POU2F2: variants seen among roughly 807,000 people sequenced by gnomAD.
POU2F2 encodes POU domain, class 2, transcription factor 2.
Under a neutral mutation model 63.5 loss-of-function variants are expected in POU2F2, and 14 were observed. The observed-to-expected ratio is 0.22, with a 90% CI of 0.15 to 0.34. POU2F2 has a LOEUF of 0.34. Among genes scored for constraint, POU2F2 ranks in the 10% least tolerant of loss-of-function variants. The probability of loss-of-function intolerance (pLI) is 1.00; values close to 1 mark genes in which losing one functional copy is unlikely to be tolerated. For synonymous variants in POU2F2, 306 were observed against 348.6 expected (o/e 0.88, Z 1.36); for missense variants, 607 against 815.2 (o/e 0.74, Z 3.11).
chr19:42,138,997 C>A (rs2034073859), intron 2 of POU2F2, among the ~76,000 whole-genome samples: 1 of 152,116 alleles, frequency 6.6e-6, no homozygotes, highest in African/African-American at 2.4e-5. Flanking sequence ...AAAAGAAGCA[C>A]TGTGATGTGG....
At chr19:42,159,488 T>C (rs2034514842) in intron 2 of POU2F2, among the ~76,000 whole-genome samples, 1 of 152,068 alleles carries the variant, frequency 6.6e-6, no homozygotes, top group Non-Finnish European at 1.5e-5. Flanking sequence ...GTTAAGCTTC[T>C]CTGGTGGGAA....
chr19:42,091,414 G>A lies in POU2F2; in HGVS notation c.1718C>T (p.Ala573Val), dbSNP rs989128218. ...TPPGVGLVSA[A>V]AAAVAASISS... ...GATGGAGGCTGCCACAGCCGCAGCC[G>A]CTGCTGAGACCAGGCCCACACCAGG... Residue 573 changes from alanine to valine, a missense_variant, in exon 15 of 15, where the codon GCG becomes GTG. This residue lies in a region of POU2F2 where 270 missense variants were observed against 307.5 expected (regional missense o/e 0.88). Transcript: ENST00000692977. 238 of 1,548,520 alleles carry A rather than the reference G, an allele frequency of 1.5e-4. No homozygotes were observed. The highest frequency in any genetic ancestry group is 2.0e-4 in the Non-Finnish European group (228 of 1,146,912).
chr19:42,089,480 T>TCTCA lies in POU2F2; in HGVS notation c.*1773_*1776dup, dbSNP rs1015913267. On this transcript the variant is annotated 3_prime_UTR_variant, in exon 15 of 15. Transcript: ENST00000692977. ...CTTCACCCCTGTCCCTGATACCCTC[T>TCTCA]CTCAGCCCCGCCCACCCGCTTCCAT... 6.6e-6 allele frequency: 1 copy of TCTCA among 152,264 alleles called. No homozygotes were observed. The highest frequency in any genetic ancestry group is 1.5e-5 in the Non-Finnish European group (1 of 67,940). The allele number at this position is 152,264 out of a possible 1,614,324, so 9.4% of individuals were successfully genotyped here. A position where few individuals can be genotyped will look rare whatever the true frequency, so the allele number is the denominator to read the frequency against.
rs1028856747 is a variant in POU2F2, at chr19:42,156,097, G to T, written c.-9+4235C>A. 6.6e-6 allele frequency: 1 copy of T among 152,274 alleles called. No homozygotes were observed. Among genetic ancestry groups the T allele is most frequent in the Non-Finnish European group, 1.5e-5 (1 of 68,036 alleles). 9.4% of individuals were successfully genotyped at this position (152,274 alleles called of 1,614,324 possible). A position where few individuals can be genotyped will look rare whatever the true frequency, so the allele number is the denominator to read the frequency against. ...CCTCACCAGTGCTTCGAAGAGCCCT[G>T]AGGAACGTCTCTCTATTTGAAGTCA... On this transcript the variant is annotated intron_variant, in intron 2 of 6. Transcript: ENST00000524801. This position sits in a 1 kb window ranked among gnomAD's most constrained non-coding sequence, Gnocchi z 4.1.
chr19:42,132,652 A>C (rs1027915865), upstream of POU2F2: 4 of 400,564 alleles, frequency 1.0e-5, no homozygotes, highest in African/African-American at 6.2e-5. Context: ...GGAAGAGCCG[A>C]CTCCTACGGC....
chr19:42,149,872 A>G (rs2034306852), intron 2 of POU2F2, among the ~76,000 whole-genome samples: 1 of 152,146 alleles, frequency 6.6e-6, no homozygotes, highest in South Asian at 2.1e-4. Context: ...AGACTGACAC[A>G]TGGGAAGGTG....
chr19:42,187,403 G>A (rs991281828), intron 1 of POU2F2, among the ~76,000 whole-genome samples: 3 of 150,144 alleles, frequency 2.0e-5, no homozygotes, highest in African/African-American at 7.4e-5. Context: ...CCCAGGAGGT[G>A]GAGGCTACAG....
chr19:42,108,402 G>A (rs2030494169), intron 5 of POU2F2, among the ~76,000 whole-genome samples: 1 of 152,068 alleles, frequency 6.6e-6, no homozygotes, highest in South Asian at 2.1e-4. Context: ...ACCAGCCTGG[G>A]CAACATGACG....
intron 4 of POU2F2, 55 bp downstream of exon 4, chr19:42,122,071 G>A: frequency 1.3e-6 from 2 of 1,537,148 alleles, no homozygotes; most frequent in Non-Finnish European, 9.0e-7. Context: ...CAGGCCTCCT[G>A]AGGACCCTCT....
At chr19:42,128,690 C>G (rs1340715957) in intron 1 of POU2F2, among the ~76,000 whole-genome samples, 1 of 152,186 alleles carries the variant, frequency 6.6e-6, no homozygotes, top group Non-Finnish European at 1.5e-5. Flanking sequence ...CGGCCTCAGC[C>G]TCAGCCTGAG....
At chr19:42,109,490 T>TAAA (rs1007712136) in intron 5 of POU2F2, among the ~76,000 whole-genome samples, 62 of 151,968 alleles carry the variant, frequency 4.1e-4, no homozygotes, top group African/African-American at 1.4e-3. Flanking sequence ...GTGTTCAAAA[T>TAAA]GAGGAAGGGA....
intron 1 of POU2F2, among the ~76,000 whole-genome samples, chr19:42,181,604 A>ATTTG (rs58190606): frequency 1.1e-4 from 16 of 151,932 alleles, no homozygotes; most frequent in Non-Finnish European, 2.4e-4. Flanking sequence ...TTATTTATTT[A>ATTTG]GAGACAGAGC....
chr19:42,096,073 C>T lies in POU2F2; in HGVS notation c.729+9G>A, dbSNP rs770815169. The stretch of plus-strand genomic sequence containing the variant: ...CGCCCACCGCCCAGCCTGCAAGGTG[C>T]CTCCAGACCTGCGTGAAGCCCAGCT... On this transcript the variant is annotated intron_variant, in intron 8 of 14. Transcript: ENST00000692977. This position sits in a 1 kb window ranked among gnomAD's most constrained non-coding sequence, Gnocchi z 4.1. The T allele has an allele frequency of 1.2e-5, 19 of 1,613,196 alleles. 1 individual carries two copies. In the South Asian group the frequency reaches 1.8e-4, roughly 15 times the overall value.
chr19:42,184,176 G>A (rs553528750), intron 1 of POU2F2, among the ~76,000 whole-genome samples: 1 of 152,180 alleles, frequency 6.6e-6, no homozygotes, highest in South Asian at 2.1e-4. Context: ...TTTTGTGGTA[G>A]AGACAGGTTT....
In POU2F2 at chr19:42,152,041, C is replaced by T. The variant is rs2034361826; in HGVS notation, c.-9+8291G>A. Among the ~76,000 whole-genome samples the T allele has an allele frequency of 6.6e-6, 1 of 152,134 alleles. No homozygotes were observed. Among genetic ancestry groups the T allele is most frequent in the African/African-American group, 2.4e-5 (1 of 41,398 alleles). ...CTTCAGACAGTTTTCCCCTTTTGCC[C>T]ATGGCTACAGTGAAGGAGGAGGATT... On this transcript the variant is annotated intron_variant, in intron 2 of 6. Coordinates refer to the POU2F2 transcript ENST00000524801. The surrounding 1 kb of genome is among the most constrained non-coding windows in gnomAD (Gnocchi z 4.1).
intron 5 of POU2F2, among the ~76,000 whole-genome samples, chr19:42,114,859 G>A (rs746060333): frequency 1.3e-5 from 2 of 152,146 alleles, no homozygotes; most frequent in Non-Finnish European, 2.9e-5. Flanking sequence ...GCTACATCTG[G>A]GCTGAGCACC....
At chr19:42,101,864 C>A (rs772062888) in intron 5 of POU2F2, among the ~76,000 whole-genome samples, 12 of 151,956 alleles carry the variant, frequency 7.9e-5, no homozygotes, top group Non-Finnish European at 1.5e-4. Flanking sequence ...GTAATCCCAG[C>A]TGCTTGGGAG....
chr19:42,148,062 T>C (rs539745417), intron 2 of POU2F2, among the ~76,000 whole-genome samples: 1 of 152,012 alleles, frequency 6.6e-6, no homozygotes, highest in African/African-American at 2.4e-5. Context: ...CATCCCCTGA[T>C]CTCTTGCCCC....
In POU2F2 at chr19:42,089,299, CAG is replaced by C. The variant is rs2076641926; in HGVS notation, c.*1956_*1957del. On this transcript the variant is annotated 3_prime_UTR_variant, in exon 15 of 15. Coordinates refer to ENST00000692977, the MANE Select transcript of POU2F2 (RefSeq NM_001394376.1). ...AGAGGAAGGAGGGGAGGAGAGAGGT[CAG>C]ACAAAAGAGAACCGAAAAAGAAATC... 1 of 152,370 alleles carries C rather than the reference CAG, an allele frequency of 6.6e-6. No homozygotes were observed. The allele number at this position is 152,370 out of a possible 1,614,324, so 9.4% of individuals were successfully genotyped here.
Sources: allele counts gnomAD v4.1 joint callset (sites outside exome capture counted in the v4.1 genomes callset), GRCh38; gene constraint gnomAD v4.1.1; regional missense constraint gnomAD v4.1.1; non-coding constraint Gnocchi (gnomAD v3.1); transcripts MANE v1.5; gene names NCBI Gene and HGNC (gene_info 2026-07-23, HGNC 2026-07-21).